UGGT1: variants seen among roughly 807,000 people sequenced by gnomAD.
UGGT1 encodes UDP-glucose:glycoprotein glucosyltransferase 1.
Under a neutral mutation model 203.9 loss-of-function variants are expected in UGGT1, and 107 were observed. That is an observed-to-expected ratio of 0.52 (90% CI 0.45 to 0.62). The LOEUF (loss-of-function observed/expected upper bound fraction) is 0.62, where lower values mean the gene tolerates loss of function less well. Among genes scored for constraint, UGGT1 ranks in the 20% least tolerant of loss-of-function variants. UGGT1 has a pLI of 0.00. For missense variants in UGGT1, 1,673 were observed against 1,867.2 expected (o/e 0.90, Z 1.92); for synonymous variants, 628 against 653.5 (o/e 0.96, Z 0.59).
At chr2:128,142,005 G>A (rs1157465629) in intron 16 of UGGT1, among the ~76,000 whole-genome samples, 3 of 151,818 alleles carry the variant, frequency 2.0e-5, no homozygotes, top group African/African-American at 7.3e-5. Flanking sequence ...GCAGTTGTGT[G>A]ATCTTGGCCC....
At chr2:128,165,770 T>A (rs888290656) in intron 26 of UGGT1, among the ~76,000 whole-genome samples, 2 of 151,658 alleles carry the variant, frequency 1.3e-5, no homozygotes, top group African/African-American at 4.8e-5. Context: ...AAAACTTTTT[T>A]TAAAAAAAAA....
chr2:128,155,651 C>A, intron 20 of UGGT1, 64 bp downstream of exon 20: 5 of 1,255,162 alleles, frequency 4.0e-6, no homozygotes, highest in Non-Finnish European at 5.7e-6. Context: ...GCATATTCAT[C>A]TTAATGTGCA....
In UGGT1 at chr2:128,178,913, C is replaced by T. The variant is rs796943613; in HGVS notation, c.3815+344C>T. On this transcript the variant is annotated intron_variant, in intron 34 of 40. Transcript: ENST00000259253. The stretch of plus-strand genomic sequence containing the variant: ...AGAATCAGAACAGAACCATGGAATA[C>T]TTCACTGCCTTGTAAAGATTCACAG... Among the ~76,000 whole-genome samples the T allele has an allele frequency of 3.9e-5, 6 of 152,328 alleles. 1 individual carries two copies. The highest frequency in any genetic ancestry group is 1.4e-4 in the African/African-American group (6 of 41,572).
At chr2:128,172,482 G>T (rs1691154165) in intron 28 of UGGT1, 91 bp from the exon 29 acceptor site, 2 of 1,404,276 alleles carry the variant, frequency 1.4e-6, no homozygotes, top group African/African-American at 2.8e-5. Context: ...AATCTAATTT[G>T]TTTTAACCAG....
intron 20 of UGGT1, 28 bp from the exon 21 acceptor site, chr2:128,156,364 C>A: frequency 6.4e-7 from 1 of 1,560,930 alleles, no homozygotes; most frequent in Non-Finnish European, 8.8e-7. Flanking sequence ...TACTTTTTTT[C>A]TACTCTTTTC....
intron 7 of UGGT1, among the ~76,000 whole-genome samples, chr2:128,115,499 A>G (rs796371713): frequency 1.3e-5 from 2 of 151,258 alleles, no homozygotes; most frequent in Non-Finnish European, 3.0e-5. Context: ...AAAAAAAAAA[A>G]AAAAAACAAA....
intron 23 of UGGT1, among the ~76,000 whole-genome samples, 185 bp downstream of exon 23, chr2:128,159,905 G>A (rs542701058): frequency 3.3e-5 from 5 of 152,094 alleles, no homozygotes; most frequent in African/African-American, 1.2e-4. Context: ...TTCATGTGGT[G>A]CATGATTTGA....
At chr2:128,169,036 A>G in intron 26 of UGGT1, among the ~76,000 whole-genome samples, 1 of 120,340 alleles carries the variant, frequency 8.3e-6, no homozygotes, top group Non-Finnish European at 1.6e-5. Context: ...TGAATGAGCG[A>G]GACTCTGTCT....
Position 128,159,629 on chromosome 2 carries a change from A to G in UGGT1, c.2471A>G (p.Asn824Ser). 2.5e-6 allele frequency: 4 copies of G among 1,614,098 alleles called. No homozygotes were observed. Among genetic ancestry groups the G allele is most frequent in the African/African-American group, 1.3e-5 (1 of 75,016 alleles). Residue 824 changes from asparagine to serine, a missense_variant, in exon 23 of 41, where the codon AAC becomes AGC. By Grantham distance (46) the Asn-to-Ser change is conservative. Around this residue, in one of 4 missense-constraint regions of UGGT1, gnomAD observed 1,073 missense variants for 1,078.7 expected, o/e 0.99. Coordinates refer to ENST00000259253, the MANE Select transcript of UGGT1 (RefSeq NM_020120.4). ...GCAGCTCTCCAAACTCAGACTTCCA[A>G]CGCTGCTAAGAACTTCATCACCAAA... ...IWAALQTQTS[N>S]AAKNFITKMA...
chr2:128,109,171 C>T (rs2105359010), intron 4 of UGGT1, among the ~76,000 whole-genome samples: 1 of 152,114 alleles, frequency 6.6e-6, no homozygotes, highest in African/African-American at 2.4e-5. Flanking sequence ...GGATTACAGG[C>T]ATGAGCCACT....
chr2:128,171,627 C>G (rs1418894403), intron 28 of UGGT1, among the ~76,000 whole-genome samples: 1 of 152,126 alleles, frequency 6.6e-6, no homozygotes, highest in Non-Finnish European at 1.5e-5. Context: ...CCTGCTTCAG[C>G]CTCCTTAGTA....
chr2:128,152,947 G>A (rs765616406), intron 19 of UGGT1, 43 bp downstream of exon 19: 1 of 1,605,298 alleles, frequency 6.2e-7, no homozygotes, highest in South Asian at 1.1e-5. Flanking sequence ...TTTTTGACTT[G>A]TGCTTCAGAA....
chr2:128,150,559 ATG>A (rs796725688), intron 18 of UGGT1, among the ~76,000 whole-genome samples: 187 of 69,102 alleles, frequency 2.7e-3, no homozygotes, highest in Middle Eastern at 0.013. Context: ...GACAACTACC[ATG>A]TGTGTGTGTG....
rs536249806 is a variant in UGGT1 at position 128,193,441 on chromosome 2, G to C, written c.*3699G>C. 1 of 151,890 alleles carries C rather than the reference G, an allele frequency of 6.6e-6. No individual in the cohort carries two copies. Among genetic ancestry groups the C allele is most frequent in the Non-Finnish European group, 1.5e-5 (1 of 68,036 alleles). 9.4% of individuals were successfully genotyped at this position (151,890 alleles called of 1,614,324 possible). Reference sequence around the variant, plus strand: ...TAATTTTTGTATTTTTAGTAGAGATGGGGTTTTACCATGTTGGTTGGCCAG... The same window carrying C: ...TAATTTTTGTATTTTTAGTAGAGATCGGGTTTTACCATGTTGGTTGGCCAG... On this transcript the variant is annotated 3_prime_UTR_variant, in exon 41 of 41. Coordinates refer to ENST00000259253, the MANE Select transcript of UGGT1 (RefSeq NM_020120.4).
At chr2:128,136,448 G>A (rs906620394) in intron 15 of UGGT1, among the ~76,000 whole-genome samples, 1 of 130,892 alleles carries the variant, frequency 7.6e-6, no homozygotes, top group Non-Finnish European at 1.7e-5. Flanking sequence ...CCAGAACTAG[G>A]TTGCAGTCAT....
chr2:128,188,335 C>T (rs532261241), intron 40 of UGGT1, among the ~76,000 whole-genome samples: 2 of 152,136 alleles, frequency 1.3e-5, no homozygotes, highest in Admixed American at 6.5e-5. Flanking sequence ...TGAGGCACTG[C>T]GCCTGGCCGA....
intron 25 of UGGT1, among the ~76,000 whole-genome samples, chr2:128,164,158 TCAAACAAA>T (rs909527083): frequency 6.6e-5 from 10 of 152,092 alleles, no homozygotes; most frequent in African/African-American, 7.2e-5. Context: ...AGACCCTGAC[TCAAACAAA>T]CAAACAAACA....
chr2:128,109,351 A>G (rs905129206), intron 4 of UGGT1, among the ~76,000 whole-genome samples: 1 of 152,068 alleles, frequency 6.6e-6, no homozygotes, highest in African/African-American at 2.4e-5. Context: ...CTACAGGCGT[A>G]TGCCACTGTG....
At chr2:128,129,222 A>T (rs1485424474) in intron 13 of UGGT1, 43 bp downstream of exon 13, 1 of 1,561,952 alleles carries the variant, frequency 6.4e-7, no homozygotes, top group African/African-American at 1.4e-5. Flanking sequence ...TCTGACCAGG[A>T]ATCTTTTTTA....
Sources: gnomAD v4.1 joint callset for allele counts (sites outside exome capture counted in the v4.1 genomes callset) on GRCh38, gnomAD v4.1.1 for gene constraint, gnomAD v4.1.1 regional missense constraint, MANE v1.5 for transcripts, NCBI Gene and HGNC (gene_info 2026-07-23, HGNC 2026-07-21) for gene names.